The following ASIC2 variants were observed in gnomAD, a reference collection of about 807,000 sequenced individuals.
ASIC2 encodes the protein acid sensing ion channel subunit 2, also known as acid-sensing ion channel 2.
In ASIC2, 25 loss-of-function variants were observed where a neutral mutation model predicts 57.3. The observed-to-expected ratio is 0.44, with a 90% CI of 0.32 to 0.61. ASIC2 has a LOEUF of 0.61. Ranked by LOEUF, ASIC2 falls within the 20% of genes least tolerant of loss-of-function variation. The pLI is 0.06. For missense variants in ASIC2, 641 were observed against 738.1 expected (o/e 0.87, Z 1.52); for synonymous variants, 319 against 307.5 (o/e 1.04, Z -0.39).
intron 1 of ASIC2, among the ~76,000 whole-genome samples, chr17:33,776,524 A>G (rs12951872): frequency 0.012 from 1,888 of 152,338 alleles, 34 homozygotes; most frequent in African/African-American, 0.043. Context: ...AAAATACAGG[A>G]TGCAGAGTTA....
intron 1 of ASIC2, among the ~76,000 whole-genome samples, chr17:33,185,468 C>T (rs1906154918): frequency 6.6e-6 from 1 of 152,110 alleles, no homozygotes; most frequent in African/African-American, 2.4e-5. Context: ...GGGCAATGCT[C>T]CCCGAGAGAA....
intron 1 of ASIC2, among the ~76,000 whole-genome samples, chr17:34,138,051 G>T (rs1009802539): frequency 3.3e-5 from 5 of 152,202 alleles, no homozygotes; most frequent in Non-Finnish European, 7.3e-5. Flanking sequence ...CCAGGGAAAT[G>T]CAAACTGGGA....
At chr17:33,532,768 C>G (rs12938018) in intron 1 of ASIC2, among the ~76,000 whole-genome samples, 1 of 152,158 alleles carries the variant, frequency 6.6e-6, no homozygotes, top group African/African-American at 2.4e-5. Flanking sequence ...TCACCCAGCC[C>G]AAGATAGCCT....
chr17:34,039,989 CT>C (rs1465483740), intron 1 of ASIC2: 1 of 787,986 alleles, frequency 1.3e-6, no homozygotes, highest in African/African-American at 1.8e-5. Context: ...GAGCCGGGGC[CT>C]CTCCTGAGCG....
intron 1 of ASIC2, among the ~76,000 whole-genome samples, chr17:34,132,373 T>A (rs1007994848): frequency 6.6e-6 from 1 of 152,256 alleles, no homozygotes; most frequent in East Asian, 1.9e-4. Flanking sequence ...GAAGGACAGG[T>A]AGACGGGTTG....
chr17:33,778,991 T>C (rs1011575236), intron 1 of ASIC2, among the ~76,000 whole-genome samples: 4 of 152,174 alleles, frequency 2.6e-5, no homozygotes, highest in Non-Finnish European at 5.9e-5. Flanking sequence ...CTTACTCATG[T>C]CTGTATCCCT....
chr17:33,586,828 G>A (rs753726704), intron 1 of ASIC2, among the ~76,000 whole-genome samples: 6 of 152,048 alleles, frequency 3.9e-5, no homozygotes, highest in Non-Finnish European at 7.4e-5. Flanking sequence ...CATTTACCAC[G>A]ATCTGCAATT....
chr17:34,012,612 A>G (rs1429154702), intron 1 of ASIC2, among the ~76,000 whole-genome samples: 2 of 152,112 alleles, frequency 1.3e-5, no homozygotes, highest in Non-Finnish European at 2.9e-5. Context: ...CTGGTCTCAG[A>G]GTGCCCTGTT....
Position 34,156,597 on chromosome 17 carries a change from C to T in ASIC2, c.-65G>A. On this transcript the variant is annotated 5_prime_UTR_variant, in exon 1 of 10. Transcript: ENST00000359872. The surrounding 1 kb of genome is among the most constrained non-coding windows in gnomAD (Gnocchi z 4.4). Reference sequence around the variant, plus strand: ...CGAATTTCAGAGAAGAGCTCCCAGTCCTCGGGCTCTGCTTAAACCTTGACG... The same window carrying T: ...CGAATTTCAGAGAAGAGCTCCCAGTTCTCGGGCTCTGCTTAAACCTTGACG... 6.7e-7 allele frequency: 1 copy of T among 1,488,514 alleles called. No homozygotes were observed. Among genetic ancestry groups the T allele is most frequent in the Admixed American group, 2.2e-5 (1 of 46,110 alleles). 92.2% of individuals were successfully genotyped at this position (1,488,514 alleles called of 1,614,324 possible). A position where few individuals can be genotyped will look rare whatever the true frequency, so the allele number is the denominator to read the frequency against.
intron 1 of ASIC2, among the ~76,000 whole-genome samples, chr17:33,695,944 G>C (rs1004997642): frequency 6.6e-6 from 1 of 151,976 alleles, no homozygotes; most frequent in South Asian, 2.1e-4. Context: ...TATTATTCTG[G>C]TACTTGCTTT....
At chr17:33,922,154 C>G in intron 1 of ASIC2, among the ~76,000 whole-genome samples, 1 of 152,124 alleles carries the variant, frequency 6.6e-6, no homozygotes, top group East Asian at 1.9e-4. Flanking sequence ...TTCTCCAGTT[C>G]CCATTATGAC....
chr17:33,723,975 C>T (rs1403820953), intron 1 of ASIC2, among the ~76,000 whole-genome samples: 1 of 152,136 alleles, frequency 6.6e-6, no homozygotes, highest in East Asian at 1.9e-4. Flanking sequence ...TGGCTGTGTT[C>T]CCACCCAAAT....
chr17:33,102,407 T>C (rs2141978353), intron 2 of ASIC2, among the ~76,000 whole-genome samples: 1 of 152,350 alleles, frequency 6.6e-6, no homozygotes, highest in African/African-American at 2.4e-5. Flanking sequence ...AAGATTTTTT[T>C]CTTTATTTCT....
chr17:33,541,775 A>G (rs1345511779), intron 1 of ASIC2, among the ~76,000 whole-genome samples: 1 of 152,072 alleles, frequency 6.6e-6, no homozygotes, highest in African/African-American at 2.4e-5. Context: ...CAAGCACATC[A>G]CTACTACAGG....
chr17:33,657,502 T>C (rs1400408283), intron 1 of ASIC2, among the ~76,000 whole-genome samples: 3 of 152,050 alleles, frequency 2.0e-5, no homozygotes, highest in Admixed American at 6.6e-5. Context: ...GGACAGAGTA[T>C]TGGGGGTCCT....
At chr17:33,841,511 T>C (rs6505385) in intron 1 of ASIC2, among the ~76,000 whole-genome samples, 152,376 of 152,378 alleles carry the variant, frequency 1, 76,187 homozygotes, top group Non-Finnish European at 1. Flanking sequence ...TTCAGAATAT[T>C]TGAACCACTG....
chr17:33,306,897 G>A (rs145340234), intron 1 of ASIC2, among the ~76,000 whole-genome samples: 48 of 152,266 alleles, frequency 3.2e-4, no homozygotes, highest in African/African-American at 1.1e-3. Flanking sequence ...TTGGGGCAAC[G>A]AGGCAGGCTT....
intron 1 of ASIC2, among the ~76,000 whole-genome samples, chr17:34,085,883 C>T (rs60146512): frequency 0.17 from 25,696 of 149,642 alleles, 2,815 homozygotes; most frequent in African/African-American, 0.31. Flanking sequence ...TCGGTGGTGA[C>T]ATCCCCTTTA....
chr17:33,291,180 C>G (rs1412282811), intron 1 of ASIC2: 2 of 879,638 alleles, frequency 2.3e-6, no homozygotes, highest in Middle Eastern at 3.5e-4. Flanking sequence ...GGGGCTGGGA[C>G]AGGGGAGCTC....
Sources: allele counts gnomAD v4.1 joint callset (sites outside exome capture counted in the v4.1 genomes callset), GRCh38; gene constraint gnomAD v4.1.1; non-coding constraint Gnocchi (gnomAD v3.1); transcripts MANE v1.5; gene names NCBI Gene and HGNC (gene_info 2026-07-23, HGNC 2026-07-21).